The following CDH13 variants were observed in gnomAD, a reference collection of about 807,000 sequenced individuals.
CDH13 encodes the protein cadherin-13.
A neutral mutation model predicts 63.8 loss-of-function variants in CDH13; 24 were observed. The ratio of observed to expected loss-of-function variants is 0.38; its 90% confidence interval spans 0.27 to 0.53. CDH13 has a LOEUF of 0.53. Among genes scored for constraint, CDH13 ranks in the 20% least tolerant of loss-of-function variants. The probability of loss-of-function intolerance (pLI) is 0.85; values close to 1 mark genes in which losing one functional copy is unlikely to be tolerated. For missense variants in CDH13, 1,049 were observed against 903.1 expected, an observed-to-expected ratio of 1.16 and a Z score of -2.07; for synonymous variants, 503 against 355.3, an observed-to-expected ratio of 1.42 and a Z score of -4.67.
Position 82,922,705 on chromosome 16 carries a change from C to G in CDH13, c.157+64232C>G, listed in dbSNP as rs149588642. ...TGAGAATTCTACTTATGTGCACATT[C>G]TGTTGACTAGACCTAAGGGAGGCTA... is the stretch of plus-strand genomic sequence containing the variant. On this transcript the variant is annotated intron_variant, in intron 2 of 13. Coordinates refer to ENST00000567109, the MANE Select transcript of CDH13 (RefSeq NM_001257.5). Among the ~76,000 whole-genome samples, 797 of 152,248 alleles carry G rather than the reference C, an allele frequency of 5.2e-3. 11 individuals are homozygous for G. Among genetic ancestry groups the G allele is most frequent in the Non-Finnish European group, 4.0e-3 (272 of 68,018 alleles).
chr16:82,796,553 G>A (rs2036590769), intron 1 of CDH13, among the ~76,000 whole-genome samples: 1 of 152,184 alleles, frequency 6.6e-6, no homozygotes, highest in Non-Finnish European at 1.5e-5. Context: ...AGTCTTCCCA[G>A]GAGGTGTCTT....
chr16:82,982,349 ATTG>A (rs1910383225), intron 2 of CDH13, among the ~76,000 whole-genome samples: 2 of 152,208 alleles, frequency 1.3e-5, no homozygotes, highest in Non-Finnish European at 2.9e-5. Flanking sequence ...TTAGGTTCCT[ATTG>A]TTGTATTAAA....
chr16:83,022,327 G>T (rs952738717), intron 2 of CDH13, among the ~76,000 whole-genome samples: 7 of 152,204 alleles, frequency 4.6e-5, no homozygotes, highest in African/African-American at 1.7e-4. Flanking sequence ...TACCAGGATA[G>T]CTGGGTCTCT....
intron 10 of CDH13, among the ~76,000 whole-genome samples, chr16:83,680,079 C>T (rs1220557625): frequency 6.6e-6 from 1 of 152,172 alleles, no homozygotes; most frequent in African/African-American, 2.4e-5. Context: ...CCTATGGATA[C>T]TATATACGAT....
At chr16:83,006,908 G>T (rs540539859) in intron 2 of CDH13, among the ~76,000 whole-genome samples, 2,328 of 122,316 alleles carry the variant, frequency 0.019, 164 homozygotes, top group South Asian at 0.053. Flanking sequence ...GATTTTTTTT[G>T]TTTGTTTGTT....
chr16:83,106,972 A>C (rs1175388011), intron 3 of CDH13, among the ~76,000 whole-genome samples: 1 of 152,074 alleles, frequency 6.6e-6, no homozygotes, highest in Non-Finnish European at 1.5e-5. Context: ...ACCGAATGCT[A>C]AGCTAAAACT....
chr16:83,055,777 A>G (rs550905698), intron 3 of CDH13, among the ~76,000 whole-genome samples: 3 of 152,252 alleles, frequency 2.0e-5, no homozygotes, highest in African/African-American at 4.8e-5. Context: ...CTTTGCAATA[A>G]CTGACATAAA....
intron 2 of CDH13, among the ~76,000 whole-genome samples, chr16:82,965,463 C>G (rs1276119725): frequency 6.6e-6 from 1 of 152,154 alleles, no homozygotes; most frequent in African/African-American, 2.4e-5. Context: ...TTTTATTTTT[C>G]AAATATTCCA....
intron 3 of CDH13, among the ~76,000 whole-genome samples, chr16:83,079,098 GT>G (rs2033055927): frequency 6.6e-6 from 1 of 152,064 alleles, no homozygotes; most frequent in Non-Finnish European, 1.5e-5. Flanking sequence ...CCCGGCCCAG[GT>G]TTTTCATGCA....
At chr16:83,191,977 AAGAG>A (rs904231519) in intron 4 of CDH13, among the ~76,000 whole-genome samples, 1 of 152,098 alleles carries the variant, frequency 6.6e-6, no homozygotes, top group East Asian at 1.9e-4. Context: ...CAATGATAAA[AAGAG>A]AGAGCAAAAG....
intron 8 of CDH13, among the ~76,000 whole-genome samples, chr16:83,659,380 C>G (rs1351580122): frequency 6.7e-6 from 1 of 148,904 alleles, no homozygotes; most frequent in Non-Finnish European, 1.5e-5. Flanking sequence ...TCCTCACCAC[C>G]AGGTCCCATG....
chr16:82,843,474 G>T (rs1291292374), intron 1 of CDH13, among the ~76,000 whole-genome samples: 1 of 152,172 alleles, frequency 6.6e-6, no homozygotes, highest in Non-Finnish European at 1.5e-5. Context: ...AAGATATGTG[G>T]CATTCTGCTT....
intron 1 of CDH13, among the ~76,000 whole-genome samples, chr16:82,797,829 A>G (rs2036663570): frequency 6.8e-6 from 1 of 146,598 alleles, no homozygotes; most frequent in South Asian, 2.2e-4. Flanking sequence ...ATGTGTACAT[A>G]CTTTTCCCCC....
At chr16:82,972,946 T>G (rs996145997) in intron 2 of CDH13, among the ~76,000 whole-genome samples, 3 of 152,158 alleles carry the variant, frequency 2.0e-5, no homozygotes, top group Non-Finnish European at 4.4e-5. Flanking sequence ...ACCACTTTAT[T>G]TTTTTAAAGT....
chr16:83,739,052 G>T (rs1479722384), intron 10 of CDH13, among the ~76,000 whole-genome samples: 5 of 152,180 alleles, frequency 3.3e-5, no homozygotes, highest in Non-Finnish European at 7.3e-5. Flanking sequence ...GCTGTTCCTA[G>T]AAAGACCTGC....
chr16:83,416,996 T>C (rs910847155), intron 6 of CDH13, among the ~76,000 whole-genome samples: 7 of 152,220 alleles, frequency 4.6e-5, no homozygotes, highest in African/African-American at 1.7e-4. Flanking sequence ...GTTTTTAAAA[T>C]CAGTAATATT....
chr16:82,692,372 T>C (rs1432859069), intron 1 of CDH13, among the ~76,000 whole-genome samples: 1 of 152,226 alleles, frequency 6.6e-6, no homozygotes, highest in Non-Finnish European at 1.5e-5. Context: ...CAGTTCTGTA[T>C]GGTAGCGGAG....
At chr16:82,838,079 G>C (rs2038846452) in intron 1 of CDH13, among the ~76,000 whole-genome samples, 1 of 152,132 alleles carries the variant, frequency 6.6e-6, no homozygotes, top group Non-Finnish European at 1.5e-5. Flanking sequence ...CGCAGATCCT[G>C]GCCCCAAAGC....
At chr16:82,901,283 T>C (rs1488220407) in intron 2 of CDH13, among the ~76,000 whole-genome samples, 2 of 151,936 alleles carry the variant, frequency 1.3e-5, no homozygotes, top group Non-Finnish European at 2.9e-5. Context: ...AAATATGATT[T>C]ACCTGATTAA....
Sources: allele counts gnomAD v4.1 joint callset (sites outside exome capture counted in the v4.1 genomes callset), GRCh38; gene constraint gnomAD v4.1.1; transcripts MANE v1.5; gene names NCBI Gene and HGNC (gene_info 2026-07-23, HGNC 2026-07-21).